MGAM: variants seen among roughly 807,000 people sequenced by gnomAD.
MGAM encodes maltase-glucoamylase.
MGAM carries 253 observed loss-of-function variants against 358.8 expected under a neutral mutation model. The ratio of observed to expected loss-of-function variants is 0.71; its 90% CI spans 0.64 to 0.78. MGAM has a LOEUF of 0.78. MGAM is among the 30% of genes least tolerant of loss of function. The pLI, the probability that MGAM is intolerant of heterozygous loss-of-function variation, is 0.00. For missense variants in MGAM, 3,080 were observed against 3,432.6 expected (o/e 0.90, Z 2.57); for synonymous variants, 1,105 against 1,227.1 (o/e 0.90, Z 2.08).
intron 67 of MGAM, 145 bp from the exon 68 acceptor site, chr7:142,100,657 A>T (rs929926137): frequency 2.7e-6 from 2 of 727,394 alleles, no homozygotes; most frequent in African/African-American, 3.5e-5. Flanking sequence ...CAGAATTAGA[A>T]CTAAGACACA....
At position 142,044,157 on chromosome 7, in the gene MGAM, G is replaced by A. The variant is rs192531181; in HGVS notation, c.2498+3311G>A. 2.8e-3 allele frequency among the ~76,000 whole-genome samples: 319 copies of A among 112,798 alleles called. 78 individuals carry two copies. The highest frequency in any genetic ancestry group is 4.3e-3 in the Non-Finnish European group (239 of 55,712). 74.0% of individuals were successfully genotyped at this position (112,798 alleles called of 152,430 possible). On this transcript the variant is annotated intron_variant, in intron 21 of 70. Coordinates refer to ENST00000475668, the MANE Select transcript of MGAM (RefSeq NM_001365693.1). ...TATGTACATTATATACACATACGAC[G>A]TATAATATATACATTATATACACAT...
At position 142,064,410 on chromosome 7, in the gene MGAM, A is replaced by C. The variant is rs1812523527; in HGVS notation, c.4372A>C (p.Ser1458Arg). 2 of 1,608,574 alleles carry C rather than the reference A, an allele frequency of 1.2e-6. No individual in the cohort carries two copies. The highest frequency in any genetic ancestry group is 2.7e-5 in the African/African-American group (2 of 74,836). ...TTTGGAGTCCAGGGACAGGGGCCTG[A>C]GCAGCAAGACCCTTTGTATGGAGAG... ...PHLESRDRGL[S>R]SKTLCMESQQ... The change falls in exon 37 of 71, where the codon AGC (serine) becomes CGC (arginine). Residue 1458 changes from serine to arginine, a missense_variant. By Grantham distance (110) the Ser-to-Arg change is moderately radical (BLOSUM62 -1). Transcript: ENST00000475668.
At chr7:142,020,156 C>CG (rs1806310280) in intron 4 of MGAM, among the ~76,000 whole-genome samples, 1 of 151,890 alleles carries the variant, frequency 6.6e-6, no homozygotes, top group African/African-American at 2.4e-5. Flanking sequence ...GGGAGGCTCT[C>CG]GGTATAAAGG....
At chr7:142,097,675 A>G in intron 66 of MGAM, 26 bp downstream of exon 66, 2 of 1,580,902 alleles carry the variant, frequency 1.3e-6, no homozygotes, top group South Asian at 2.2e-5. Flanking sequence ...TGTTTATACA[A>G]CACGGGAAAA....
intron 1 of MGAM, among the ~76,000 whole-genome samples, chr7:141,996,193 G>A (rs3793155): frequency 0.034 from 5,142 of 151,754 alleles, 118 homozygotes; most frequent in East Asian, 0.097. Flanking sequence ...CCAGCTACTC[G>A]GAGAGGCTAA....
intron 1 of MGAM, among the ~76,000 whole-genome samples, chr7:142,002,537 A>C (rs190582344): frequency 2.0e-5 from 3 of 152,138 alleles, no homozygotes; most frequent in South Asian, 2.1e-4. Flanking sequence ...TCATAAAAAA[A>C]AACCCTTAAA....
intron 10 of MGAM, among the ~76,000 whole-genome samples, chr7:142,029,621 T>A (rs1244293422): frequency 6.6e-6 from 1 of 152,216 alleles, no homozygotes; most frequent in Non-Finnish European, 1.5e-5. Flanking sequence ...GAGTTCAGTA[T>A]ACATGTCAAA....
intron 21 of MGAM, among the ~76,000 whole-genome samples, chr7:142,047,282 C>T (rs1169215407): frequency 6.6e-6 from 1 of 152,100 alleles, no homozygotes; most frequent in Non-Finnish European, 1.5e-5. Flanking sequence ...TCTTTCAAAA[C>T]AAACTAATAA....
At chr7:142,010,260 C>G (rs1223576847) in intron 3 of MGAM, among the ~76,000 whole-genome samples, 4 of 152,078 alleles carry the variant, frequency 2.6e-5, no homozygotes, top group African/African-American at 9.7e-5. Flanking sequence ...TTATCTAACT[C>G]TAGTTCGGAT....
chr7:142,084,774 C>T lies in MGAM; in HGVS notation c.6507+130C>T, dbSNP rs1814611788. On this transcript the variant is annotated intron_variant, in intron 54 of 70. Coordinates refer to ENST00000475668, the MANE Select transcript of MGAM (RefSeq NM_001365693.1). The stretch of plus-strand genomic sequence containing the variant: ...CTTTTTCAGACAATATCACAGTTAG[C>T]CTCACCCCAGCACAGTAATAGAGGT... 7 of 1,262,812 alleles carry T rather than the reference C, an allele frequency of 5.5e-6. No individual in the cohort carries two copies. The South Asian group carries it at 8.6e-5, about 15-fold the overall frequency. 78.2% of individuals were successfully genotyped at this position (1,262,812 alleles called of 1,614,324 possible).
intron 21 of MGAM, among the ~76,000 whole-genome samples, chr7:142,045,569 A>ATG (rs1368037318): frequency 0.042 from 1 of 24 alleles, no homozygotes; most frequent in Non-Finnish European, 0.056. Flanking sequence ...TGAATATATA[A>ATG]TATATATTAT....
At chr7:142,104,722 G>A (rs937708795) in intron 70 of MGAM, among the ~76,000 whole-genome samples, 1 of 152,112 alleles carries the variant, frequency 6.6e-6, no homozygotes, top group East Asian at 1.9e-4. Context: ...TTGGCTCACA[G>A]TAATTCTATG....
At chr7:141,987,035 T>C (rs1803736085) in intron 2 of MGAM, among the ~76,000 whole-genome samples, 1 of 152,176 alleles carries the variant, frequency 6.6e-6, no homozygotes, top group Non-Finnish European at 1.5e-5. Flanking sequence ...AGATATTTAT[T>C]TATACTGGAC....
chr7:142,044,959 C>A (rs1179561849), intron 21 of MGAM, among the ~76,000 whole-genome samples: 2 of 100,386 alleles, frequency 2.0e-5, no homozygotes, highest in African/African-American at 7.7e-5. Flanking sequence ...ATTATATACA[C>A]GTGTAATATA....
chr7:141,996,082 G>A (rs1250317241), intron 1 of MGAM, among the ~76,000 whole-genome samples, 152 bp downstream of exon 1: 4 of 151,986 alleles, frequency 2.6e-5, no homozygotes, highest in South Asian at 4.2e-4. Context: ...AGGCCGAGGC[G>A]GGTGGATCAC....
rs567954891 is a variant in MGAM at position 142,092,301 on chromosome 7, C to T, written c.6946-220C>T. On this transcript the variant is annotated intron_variant, in intron 58 of 70. Transcript: ENST00000475668. ...CTTGGAACTTTCACTGCCTCACGCC[C>T]ACCTTGAGAGAGATTTTTTTTTAAC... Among the ~76,000 whole-genome samples the T allele has an allele frequency of 2.1e-5, 3 of 145,722 alleles. 1 individual carries two copies. The East Asian group carries it at 6.1e-4, about 29-fold the overall frequency.
chr7:142,089,101 C>T (rs760242318), intron 57 of MGAM, among the ~76,000 whole-genome samples: 4 of 145,428 alleles, frequency 2.8e-5, no homozygotes, highest in Non-Finnish European at 4.7e-5. Context: ...TCACTTGAAG[C>T]TTAGTGGTCC....
intron 31 of MGAM, among the ~76,000 whole-genome samples, chr7:142,058,659 A>C (rs887834812): frequency 1.3e-5 from 2 of 152,232 alleles, no homozygotes; most frequent in Non-Finnish European, 2.9e-5. Flanking sequence ...AGAATAAAGT[A>C]TATCCCACAG....
intron 54 of MGAM, 73 bp from the exon 55 acceptor site, chr7:142,085,760 G>A (rs1481919176): frequency 3.4e-6 from 5 of 1,470,152 alleles, no homozygotes; most frequent in Non-Finnish European, 4.6e-6. Context: ...ACCATGGGTG[G>A]TGGAGGCTTG....
Sources: allele counts gnomAD v4.1 joint callset (sites outside exome capture counted in the v4.1 genomes callset), GRCh38; gene constraint gnomAD v4.1.1; transcripts MANE v1.5; gene names NCBI Gene and HGNC (gene_info 2026-07-23, HGNC 2026-07-21).